Variants in KIDINS220 observed in about 807,000 individuals in gnomAD.
KIDINS220 encodes the protein kinase D-interacting substrate of 220 kDa.
In KIDINS220, 63 loss-of-function variants were observed where a neutral mutation model predicts 157.6. The observed-to-expected ratio is 0.40, with a 90% CI of 0.33 to 0.49. KIDINS220 has a LOEUF of 0.49. Ranked by LOEUF, KIDINS220 falls within the 20% of genes least tolerant of loss-of-function variation. The pLI, the probability that KIDINS220 is intolerant of heterozygous loss-of-function variation, is 0.66. For synonymous variants in KIDINS220, 732 were observed against 783.6 expected, an observed-to-expected ratio of 0.93 and a Z score of 1.10; for missense variants, 1,772 against 2,171.2, an observed-to-expected ratio of 0.82 and a Z score of 3.65.
Position 8,750,310 on chromosome 2 carries a change from G to C in KIDINS220, c.3216C>G (p.Ile1072Met). ...GGGGGTACGCCAGTCCTCCAATACT[G>C]ATCTGCTCTCTGGCAGCACGAACAT... ...IADVRAAREQ[I>M]SIGGLAYPPL... Residue 1072 changes from isoleucine (I) to methionine (M), a missense_variant, in exon 24 of 30, where the codon ATC becomes ATG. Ile to Met is a conservative substitution (Grantham distance 10, BLOSUM62 1). Coordinates refer to ENST00000256707, the MANE Select transcript of KIDINS220 (RefSeq NM_020738.4). 4 of 1,594,414 alleles carry C rather than the reference G, an allele frequency of 2.5e-6. No homozygotes were observed. Among genetic ancestry groups the C allele is most frequent in the Non-Finnish European group, 3.4e-6 (4 of 1,168,202 alleles).
chr2:8,809,020 T>C (rs1016890372), intron 6 of KIDINS220, among the ~76,000 whole-genome samples: 8 of 9,710 alleles, frequency 8.2e-4, no homozygotes, highest in Non-Finnish European at 2.3e-3. Flanking sequence ...TTTGTTTGTT[T>C]GTTTGTTTTT....
intron 7 of KIDINS220, among the ~76,000 whole-genome samples, chr2:8,804,515 T>G (rs1462765778): frequency 6.6e-6 from 1 of 152,228 alleles, no homozygotes; most frequent in Non-Finnish European, 1.5e-5. Context: ...GTAAGATGTA[T>G]CTAACCAGTT....
At chr2:8,789,357 G>T (rs1194712703) in intron 14 of KIDINS220, among the ~76,000 whole-genome samples, 2 of 51,574 alleles carry the variant, frequency 3.9e-5, no homozygotes, top group Non-Finnish European at 1.3e-4. Flanking sequence ...GCGCCATCTC[G>T]GCTCACTGCA....
intron 4 of KIDINS220, among the ~76,000 whole-genome samples, chr2:8,813,851 G>C (rs1676676778): frequency 6.6e-6 from 1 of 152,096 alleles, no homozygotes; most frequent in African/African-American, 2.4e-5. Context: ...TTGAACCCGG[G>C]AGGCAGAGGT....
At chr2:8,777,002 A>C in intron 20 of KIDINS220, 110 bp from the exon 21 acceptor site, 1 of 1,173,526 alleles carries the variant, frequency 8.5e-7, no homozygotes, top group South Asian at 1.6e-5. Flanking sequence ...CCAAAGTTTT[A>C]GTCAAAGAGG....
At chr2:8,787,730 C>CTT (rs200876517) in intron 15 of KIDINS220, among the ~76,000 whole-genome samples, 2 of 144,156 alleles carry the variant, frequency 1.4e-5, no homozygotes, top group South Asian at 2.2e-4. Flanking sequence ...AACTTTCTAG[C>CTT]TTTTTTTTTT....
Position 8,785,766 on chromosome 2 carries a change from T to C in KIDINS220, c.2204A>G (p.Lys735Arg). The change falls in exon 17 of 30, where the codon AAA becomes AGA. Residue 735 changes from lysine to arginine, a missense_variant. Lys to Arg is a conservative substitution (Grantham distance 26, BLOSUM62 2). Around this residue, in one of 3 missense-constraint regions of KIDINS220, gnomAD observed 725 missense variants for 1,017.1 expected, o/e 0.71. Transcript: ENST00000256707. ...RLHNAASKLHKLKSEGFMKVL... is the reference protein window; with the variant it reads ...RLHNAASKLHRLKSEGFMKVL... ...TTTCATGAATCCTTCACTTTTCAAT[T>C]TGTGCAGTTTGGAGGCTGCATTATG... 2 of 1,607,332 alleles carry C rather than the reference T, an allele frequency of 1.2e-6. No homozygotes were observed. The highest frequency in any genetic ancestry group is 1.7e-6 in the Non-Finnish European group (2 of 1,178,420).
intron 17 of KIDINS220, among the ~76,000 whole-genome samples, chr2:8,781,153 A>ATATATATAAAATATATAT (rs70946383): frequency 1.5e-5 from 2 of 130,410 alleles, no homozygotes; most frequent in Non-Finnish European, 3.2e-5. Context: ...ATATATATAT[A>ATATATATAAAATATATAT]ATATATATAT....
rs1274016360 is a variant in KIDINS220, at chr2:8,796,841, G to A, written c.1028C>T (p.Thr343Ile). ...CACCACTTCAATGTTTCTCATCTTG[G>A]TAGCCTTTATAAGTGGCGTTTCACC... ...KDGETPLIKA[T>I]KMRNIEVVEL... Residue 343 changes from threonine (T) to isoleucine (I), a missense_variant, in exon 11 of 30, where the codon ACC (threonine) becomes ATC (isoleucine). Around this residue, in one of 3 missense-constraint regions of KIDINS220, gnomAD observed 725 missense variants for 1,017.1 expected, o/e 0.71. Coordinates refer to ENST00000256707, the MANE Select transcript of KIDINS220 (RefSeq NM_020738.4). The A allele has an allele frequency of 6.2e-7, 1 of 1,614,060 alleles. No homozygotes were observed. The highest frequency in any genetic ancestry group is 8.5e-7 in the Non-Finnish European group (1 of 1,179,996).
Position 8,806,321 on chromosome 2 carries a change from A to T in KIDINS220, c.553T>A (p.Cys185Ser), listed in dbSNP as rs763845387. ...VWAARKGHLECVKHLLAMGAD... is the reference protein window; with the variant it reads ...VWAARKGHLESVKHLLAMGAD... ...CCCATGGCCAATAAATGTTTCACAC[A>T]TTCCAAATGACCCTTTCGTGCAGCC... The change falls in exon 7 of 30, where the codon TGT becomes AGT. Residue 185 changes from cysteine to serine, a missense_variant. Physicochemically the swap from Cys to Ser is moderately radical, Grantham distance 112. Around this residue, in one of 3 missense-constraint regions of KIDINS220, gnomAD observed 254 missense variants for 268.6 expected, o/e 0.95. Transcript: ENST00000256707. 2.2e-5 allele frequency: 36 copies of T among 1,611,202 alleles called. No individual in the cohort carries two copies. Among genetic ancestry groups the T allele is most frequent in the Non-Finnish European group, 2.5e-5 (29 of 1,178,440 alleles).
rs576213945 is a variant in KIDINS220 at position 8,814,700 on chromosome 2, A to G, written c.307-1365T>C. Among the ~76,000 whole-genome samples the G allele has an allele frequency of 1.6e-4, 24 of 152,360 alleles. No individual in the cohort carries two copies. The South Asian group carries it at 5.0e-3, about 32-fold the overall frequency. On this transcript the variant is annotated intron_variant, in intron 4 of 29. Transcript: ENST00000256707. ...TAGTCAGAATAAAGATATTTTGTTT[A>G]GTGTCAAAGTATCTTCCCCCAAATA...
At chr2:8,832,611 T>C (rs1056217721) in intron 1 of KIDINS220, among the ~76,000 whole-genome samples, 8 of 152,206 alleles carry the variant, frequency 5.3e-5, no homozygotes, top group African/African-American at 1.7e-4. Context: ...AAGGAGGAGA[T>C]GATTAGCTTT....
At chr2:8,800,885 A>G (rs971888378) in intron 8 of KIDINS220, among the ~76,000 whole-genome samples, 1 of 152,234 alleles carries the variant, frequency 6.6e-6, no homozygotes, top group African/African-American at 2.4e-5. Flanking sequence ...ATCTTGGAAT[A>G]ATGCTATATG....
chr2:8,793,325 C>T (rs1673450959), intron 12 of KIDINS220, among the ~76,000 whole-genome samples: 1 of 152,054 alleles, frequency 6.6e-6, no homozygotes, highest in Admixed American at 6.5e-5. Context: ...AAGACCTCGT[C>T]TCTACAAAAA....
chr2:8,755,794 T>G (rs1042386362), intron 22 of KIDINS220, among the ~76,000 whole-genome samples: 1 of 152,244 alleles, frequency 6.6e-6, no homozygotes, highest in African/African-American at 2.4e-5. Context: ...TGGACATAGA[T>G]GTATGGGTTT....
At chr2:8,821,653 G>C (rs1009509670) in intron 2 of KIDINS220, among the ~76,000 whole-genome samples, 2 of 152,154 alleles carry the variant, frequency 1.3e-5, no homozygotes, top group African/African-American at 4.8e-5. Context: ...CTAAATCACT[G>C]TTTTGAGAGC....
intron 17 of KIDINS220, among the ~76,000 whole-genome samples, chr2:8,782,556 C>T (rs1176679088): frequency 6.6e-6 from 1 of 152,138 alleles, no homozygotes; most frequent in Admixed American, 6.5e-5. Flanking sequence ...CAGAAAGCAC[C>T]AGGCCCAGAG....
chr2:8,751,391 G>T (rs942911489), intron 23 of KIDINS220, 75 bp downstream of exon 23: 2 of 1,276,474 alleles, frequency 1.6e-6, no homozygotes, highest in Non-Finnish European at 2.2e-6. Flanking sequence ...CAGGAGAAAT[G>T]TACACAAATA....
intron 1 of KIDINS220, among the ~76,000 whole-genome samples, chr2:8,830,481 C>T (rs933157780): frequency 7.9e-5 from 12 of 152,184 alleles, no homozygotes; most frequent in Admixed American, 5.9e-4. Context: ...TGCAGTAGCA[C>T]GATCATGGCT....
Sources: allele counts gnomAD v4.1 joint callset (sites outside exome capture counted in the v4.1 genomes callset), GRCh38; gene constraint gnomAD v4.1.1; regional missense constraint gnomAD v4.1.1; transcripts MANE v1.5; gene names NCBI Gene and HGNC (gene_info 2026-07-23, HGNC 2026-07-21).